USP15: variants seen among roughly 807,000 people sequenced by gnomAD.
USP15 encodes ubiquitin carboxyl-terminal hydrolase 15.
A neutral mutation model predicts 127.1 loss-of-function variants in USP15; 18 were observed. The observed-to-expected ratio is 0.14, with a 90% CI of 0.10 to 0.21. The LOEUF is 0.21. USP15 is among the 10% of genes least tolerant of loss of function. The pLI is 1.00. For missense variants in USP15, 805 were observed against 1,159.9 expected (o/e 0.69, Z 4.44); for synonymous variants, 364 against 393.7 (o/e 0.92, Z 0.89).
intron 8 of USP15, among the ~76,000 whole-genome samples, chr12:62,366,359 A>T (rs1428569370): frequency 6.6e-6 from 1 of 152,128 alleles, no homozygotes; most frequent in Non-Finnish European, 1.5e-5. Context: ...TTTATCTGTT[A>T]TTGGTATATA....
At chr12:62,370,700 A>G (rs2066635756) in intron 8 of USP15, among the ~76,000 whole-genome samples, 1 of 151,944 alleles carries the variant, frequency 6.6e-6, no homozygotes, top group Non-Finnish European at 1.5e-5. Context: ...TACCCCCTTT[A>G]CCTTTGAGAA....
At chr12:62,361,563 A>G (rs1178126101) in intron 8 of USP15, among the ~76,000 whole-genome samples, 1 of 152,050 alleles carries the variant, frequency 6.6e-6, no homozygotes, top group African/African-American at 2.4e-5. Flanking sequence ...ACTACATCTT[A>G]TAACAGAAGT....
intron 7 of USP15, among the ~76,000 whole-genome samples, chr12:62,353,066 T>C (rs1048783901): frequency 6.6e-6 from 1 of 152,052 alleles, no homozygotes; most frequent in Non-Finnish European, 1.5e-5. Flanking sequence ...TTTTGAATTA[T>C]ATAAACTGCT....
intron 1 of USP15, among the ~76,000 whole-genome samples, chr12:62,285,277 T>C (rs1192432224): frequency 6.6e-6 from 1 of 152,168 alleles, no homozygotes; most frequent in Non-Finnish European, 1.5e-5. Context: ...GAGTCTCCAA[T>C]GTCTGTTATT....
intron 3 of USP15, chr12:62,313,935 C>T: frequency 2.2e-6 from 1 of 462,232 alleles, no homozygotes; most frequent in Non-Finnish European, 2.8e-6. Flanking sequence ...CATTTGGAGC[C>T]TCCCTTTTGC....
At chr12:62,312,291 G>T (rs1251335107) in intron 3 of USP15, 2 of 343,828 alleles carry the variant, frequency 5.8e-6, no homozygotes, top group Admixed American at 3.1e-5. Context: ...TTCAGGGAGG[G>T]AGCATACTTG....
At chr12:62,267,131 G>C (rs1052845424) in intron 1 of USP15, 1 of 151,984 alleles carries the variant, frequency 6.6e-6, no homozygotes, top group East Asian at 1.9e-4. Flanking sequence ...TCTTCCCTGA[G>C]TAATGTCAGT....
In USP15 at chr12:62,358,132, A is replaced by C. The variant is rs557796570; in HGVS notation, c.915+2657A>C. 9.2e-5 allele frequency among the ~76,000 whole-genome samples: 14 copies of C among 152,186 alleles called. No individual in the cohort carries two copies. In the South Asian group the frequency reaches 2.9e-3, roughly 32 times the overall value. On this transcript the variant is annotated intron_variant, in intron 8 of 21. Transcript: ENST00000280377. ...CAAATTTAAGTGATCATTTCAGCAC[A>C]TCAGGTGGTATAGTATTAACATATG...
intron 1 of USP15, among the ~76,000 whole-genome samples, chr12:62,272,001 T>A (rs1208441309): frequency 6.6e-6 from 1 of 151,842 alleles, no homozygotes; most frequent in Non-Finnish European, 1.5e-5. Context: ...TAGTTTTATT[T>A]GTTTCAGTTT....
At chr12:62,387,021 G>T (rs1042995857) in intron 11 of USP15, among the ~76,000 whole-genome samples, 1 of 152,136 alleles carries the variant, frequency 6.6e-6, no homozygotes, top group Non-Finnish European at 1.5e-5. Context: ...TGTTTTAGTG[G>T]AATATATAGG....
intron 8 of USP15, among the ~76,000 whole-genome samples, chr12:62,360,866 T>A (rs1291928954): frequency 6.6e-6 from 1 of 152,048 alleles, no homozygotes; most frequent in African/African-American, 2.4e-5. Flanking sequence ...TTTCATGTTA[T>A]GTGCCAGAAA....
At chr12:62,338,420 G>A (rs2065544417) in intron 6 of USP15, among the ~76,000 whole-genome samples, 1 of 152,118 alleles carries the variant, frequency 6.6e-6, no homozygotes, top group African/African-American at 2.4e-5. Context: ...CTCCCATTCT[G>A]TAGGTTGCCT....
chr12:62,341,319 G>A (rs2065641403), intron 6 of USP15, among the ~76,000 whole-genome samples: 1 of 152,018 alleles, frequency 6.6e-6, no homozygotes, highest in African/African-American at 2.4e-5. Flanking sequence ...AATGGGTCTT[G>A]ACTCTTCATC....
At chr12:62,325,462 A>G (rs1565856250) in intron 5 of USP15, among the ~76,000 whole-genome samples, 2 of 152,094 alleles carry the variant, frequency 1.3e-5, no homozygotes, top group South Asian at 2.1e-4. Flanking sequence ...CCAAGATCCT[A>G]TGTAAGTATG....
chr12:62,316,334 A>C (rs543467658), intron 4 of USP15, among the ~76,000 whole-genome samples: 2 of 151,968 alleles, frequency 1.3e-5, no homozygotes, highest in Non-Finnish European at 2.9e-5. Context: ...TGAATGCTTA[A>C]AAGATAAGGA....
At chr12:62,285,270 T>C (rs890693078) in intron 1 of USP15, among the ~76,000 whole-genome samples, 2 of 152,112 alleles carry the variant, frequency 1.3e-5, no homozygotes, top group Non-Finnish European at 2.9e-5. Flanking sequence ...CCCTTCTGAG[T>C]CTCCAATGTC....
At chr12:62,372,253 A>G (rs1269899652) in intron 8 of USP15, among the ~76,000 whole-genome samples, 1 of 152,118 alleles carries the variant, frequency 6.6e-6, no homozygotes, top group African/African-American at 2.4e-5. Flanking sequence ...CTATATATGT[A>G]TAATAACTCT....
At chr12:62,315,952 T>C (rs1195336790) in intron 4 of USP15, among the ~76,000 whole-genome samples, 2 of 152,280 alleles carry the variant, frequency 1.3e-5, no homozygotes, top group East Asian at 3.9e-4. Flanking sequence ...CCCTCTTCAT[T>C]TAGCTAGAAC....
intron 18 of USP15, 145 bp from the exon 19 acceptor site, chr12:62,392,908 T>C: frequency 1.3e-6 from 1 of 751,274 alleles, no homozygotes; most frequent in South Asian, 2.1e-5. Context: ...ATAATAAGAG[T>C]TGCTTTCAAC....
Sources: allele counts gnomAD v4.1 joint callset (sites outside exome capture counted in the v4.1 genomes callset), GRCh38; gene constraint gnomAD v4.1.1; transcripts MANE v1.5; gene names NCBI Gene and HGNC (gene_info 2026-07-23, HGNC 2026-07-21).